The following DOCK3 variants were observed in gnomAD, a reference collection of about 807,000 sequenced individuals.
DOCK3 encodes the protein dedicator of cytokinesis protein 3.
Under a neutral mutation model 265.6 loss-of-function variants are expected in DOCK3, and 60 were observed. The observed-to-expected ratio is 0.23, with a 90% CI of 0.18 to 0.28. DOCK3 has a LOEUF of 0.28. Ranked by LOEUF, DOCK3 falls within the 10% of genes least tolerant of loss-of-function variation. The probability of loss-of-function intolerance (pLI) is 1.00; values close to 1 mark genes in which losing one functional copy is unlikely to be tolerated. For missense variants in DOCK3, 1,981 were observed against 2,594.3 expected (o/e 0.76, Z 5.14); for synonymous variants, 881 against 938.0 (o/e 0.94, Z 1.11).
At chr3:51,211,679 A>G (rs183065056) in intron 13 of DOCK3, among the ~76,000 whole-genome samples, 4 of 152,260 alleles carry the variant, frequency 2.6e-5, no homozygotes, top group African/African-American at 9.6e-5. Context: ...GTCCCTACAA[A>G]GGACATGAAC....
rs2088611191 is a variant in DOCK3, at chr3:51,200,007, G to A, written c.1038-8767G>A. Among the ~76,000 whole-genome samples the A allele has an allele frequency of 1.3e-5, 2 of 151,962 alleles. 1 individual carries two copies. The highest frequency in any genetic ancestry group is 4.2e-4 in the South Asian group (2 of 4,816). On this transcript the variant is annotated intron_variant, in intron 12 of 52. Transcript: ENST00000266037. The stretch of plus-strand genomic sequence containing the variant: ...TAGAAGGAAAACTAACAAACAGAAA[G>A]GACATCCACACCAAAAACCCATCTG...
At chr3:51,297,449 T>C (rs1383359940) in intron 27 of DOCK3, among the ~76,000 whole-genome samples, 2 of 152,156 alleles carry the variant, frequency 1.3e-5, no homozygotes, top group African/African-American at 2.4e-5. Context: ...AAACACCTTG[T>C]GGTCTAGAAT....
In DOCK3 at chr3:51,350,323, G is replaced by A. The variant is rs778875878; in HGVS notation, c.4038G>A (p.Glu1346=). The A allele has an allele frequency of 1.9e-6, 3 of 1,610,238 alleles. No individual in the cohort carries two copies. The highest frequency in any genetic ancestry group is 8.5e-7 in the Non-Finnish European group (1 of 1,178,990). Residue 1346 remains glutamate, a synonymous_variant, in exon 40 of 53, where the codon GAG becomes GAA. Coordinates refer to ENST00000266037, the MANE Select transcript of DOCK3 (RefSeq NM_004947.5). The part of the protein sequence containing the change: ...MEASYYDNIM[E]QQRLEPEFFR... ...CCAGCTACTATGACAACATTATGGA[G>A]CAGCAACGCCTGGAGCCTGAGTTCT...
intron 22 of DOCK3, among the ~76,000 whole-genome samples, chr3:51,248,852 C>G (rs1478166940): frequency 2.0e-5 from 3 of 149,420 alleles, no homozygotes; most frequent in Non-Finnish European, 4.5e-5. Context: ...GCCGCCCCGT[C>G]TGGGATGTGA....
At chr3:50,881,633 A>G (rs1468176865) in intron 3 of DOCK3, among the ~76,000 whole-genome samples, 1 of 152,216 alleles carries the variant, frequency 6.6e-6, no homozygotes, top group Non-Finnish European at 1.5e-5. Context: ...AACAAATGGA[A>G]GAACATTCCA....
At chr3:51,367,001 A>G (rs1255463871) in intron 49 of DOCK3, among the ~76,000 whole-genome samples, 2 of 152,218 alleles carry the variant, frequency 1.3e-5, no homozygotes, top group African/African-American at 4.8e-5. Context: ...GATGTCTATT[A>G]GGTCCGTTTG....
chr3:50,836,203 G>A (rs2045498482), intron 2 of DOCK3, among the ~76,000 whole-genome samples: 1 of 152,192 alleles, frequency 6.6e-6, no homozygotes, highest in African/African-American at 2.4e-5. Context: ...GCTCCACTAA[G>A]CAGTGCCCCG....
chr3:51,018,265 A>T (rs1177367529), intron 5 of DOCK3, among the ~76,000 whole-genome samples: 1 of 151,648 alleles, frequency 6.6e-6, no homozygotes, highest in Non-Finnish European at 1.5e-5. Context: ...CTGAGCAATT[A>T]CTAACATTTC....
At chr3:51,299,943 T>C (rs1176434122) in intron 27 of DOCK3, among the ~76,000 whole-genome samples, 1 of 152,236 alleles carries the variant, frequency 6.6e-6, no homozygotes, top group African/African-American at 2.4e-5. Context: ...TTTCTAATTC[T>C]GTGAAGAATG....
intron 40 of DOCK3, among the ~76,000 whole-genome samples, chr3:51,351,426 C>A (rs941650291): frequency 6.6e-6 from 1 of 152,190 alleles, no homozygotes; most frequent in Non-Finnish European, 1.5e-5. Flanking sequence ...AAAAGCTAGT[C>A]TGCTAGCGGC....
intron 49 of DOCK3, among the ~76,000 whole-genome samples, chr3:51,372,753 A>G (rs1171491059): frequency 6.6e-6 from 1 of 152,150 alleles, no homozygotes; most frequent in Non-Finnish European, 1.5e-5. Flanking sequence ...AGTCCTGTCT[A>G]GAGCTGTGGG....
At chr3:51,331,555 C>CT (rs982862261) in intron 33 of DOCK3, among the ~76,000 whole-genome samples, 6 of 145,010 alleles carry the variant, frequency 4.1e-5, no homozygotes, top group African/African-American at 1.5e-4. Context: ...TGTAGGTATG[C>CT]TAAAAAAAAA....
At chr3:50,749,175 A>G (rs1354168417) in intron 1 of DOCK3, among the ~76,000 whole-genome samples, 1 of 152,202 alleles carries the variant, frequency 6.6e-6, no homozygotes, top group Non-Finnish European at 1.5e-5. Context: ...TTTTCTAGGT[A>G]TAGCTTTAAC....
chr3:51,089,816 T>G (rs2082568197), intron 8 of DOCK3, among the ~76,000 whole-genome samples: 1 of 147,100 alleles, frequency 6.8e-6, no homozygotes, highest in African/African-American at 2.5e-5. Context: ...GGAGGAGAAT[T>G]GCTTGAACCC....
At chr3:51,306,034 TAAA>T (rs2082673217) in intron 27 of DOCK3, among the ~76,000 whole-genome samples, 1 of 147,012 alleles carries the variant, frequency 6.8e-6, no homozygotes, top group Non-Finnish European at 1.5e-5. Flanking sequence ...TTTTTTTTTT[TAAA>T]TTTATTGTTG....
intron 6 of DOCK3, among the ~76,000 whole-genome samples, chr3:51,073,198 A>C (rs1368302564): frequency 2.6e-5 from 4 of 152,204 alleles, no homozygotes. Flanking sequence ...AGTGTTTTAC[A>C]TATTACTATT....
At chr3:51,171,770 AT>A (rs2086695377) in intron 12 of DOCK3, among the ~76,000 whole-genome samples, 1 of 151,126 alleles carries the variant, frequency 6.6e-6, no homozygotes. Context: ...GTATTGCTGT[AT>A]CCCGGAAAAT....
chr3:51,262,302 C>G (rs1241047845), intron 23 of DOCK3, among the ~76,000 whole-genome samples: 1 of 152,174 alleles, frequency 6.6e-6, no homozygotes, highest in African/African-American at 2.4e-5. Context: ...CAGCAAACCC[C>G]AGCAGACCTC....
intron 5 of DOCK3, among the ~76,000 whole-genome samples, chr3:51,053,285 G>A (rs976776081): frequency 6.7e-6 from 1 of 150,324 alleles, no homozygotes; most frequent in Admixed American, 6.6e-5. Flanking sequence ...TTATTTTAAT[G>A]TATATCTTGA....
Sources: allele counts gnomAD v4.1 joint callset (sites outside exome capture counted in the v4.1 genomes callset), GRCh38; gene constraint gnomAD v4.1.1; transcripts MANE v1.5; gene names NCBI Gene and HGNC (gene_info 2026-07-23, HGNC 2026-07-21).